Variants in FGF12 observed in about 807,000 individuals in gnomAD.
FGF12 encodes the protein fibroblast growth factor 12, also known as fibroblast growth factor 12B.
In FGF12, 14 loss-of-function variants were observed where a neutral mutation model predicts 23.6. The observed-to-expected ratio is 0.59, with a 90% CI of 0.39 to 0.93. The LOEUF is 0.93. FGF12 is among the 40% of genes least tolerant of loss of function. The probability of loss-of-function intolerance (pLI) is 0.00; values close to 1 mark genes in which losing one functional copy is unlikely to be tolerated. For synonymous variants in FGF12, 62 were observed against 77.3 expected, an observed-to-expected ratio of 0.80 and a Z score of 1.04; for missense variants, 175 against 217.8, an observed-to-expected ratio of 0.80 and a Z score of 1.24.
chr3:192,448,821 A>G (rs1438169726), intron 2 of FGF12, among the ~76,000 whole-genome samples: 1 of 152,194 alleles, frequency 6.6e-6, no homozygotes, highest in African/African-American at 2.4e-5. Context: ...TATGCCATAC[A>G]GTTTAGCTTA....
At position 192,160,510 on chromosome 3, in the gene FGF12, C is replaced by A. The variant is rs925711256; in HGVS notation, c.427+9948G>T. ...ACTGTTCAAACATCATTTACGTCAT[C>A]TTCTCTAAAAAATTTACCTTCATCA... is the stretch of plus-strand genomic sequence containing the variant. On this transcript the variant is annotated intron_variant, in intron 5 of 5. Transcript: ENST00000445105. Among the ~76,000 whole-genome samples the A allele has an allele frequency of 2.0e-5, 3 of 152,138 alleles. No individual in the cohort carries two copies. The South Asian group carries it at 6.2e-4, about 32-fold the overall frequency.
chr3:192,232,293 G>A (rs1350771871), intron 4 of FGF12, among the ~76,000 whole-genome samples: 2 of 152,046 alleles, frequency 1.3e-5, no homozygotes, highest in African/African-American at 4.8e-5. Context: ...AATAAAGAAG[G>A]AATGATTATG....
intron 4 of FGF12, among the ~76,000 whole-genome samples, chr3:192,186,007 CTATAA>C (rs1360766467): frequency 6.6e-6 from 1 of 151,822 alleles, no homozygotes; most frequent in African/African-American, 2.4e-5. Context: ...CTCAAGAAGC[CTATAA>C]TATGAGAGAA....
At chr3:192,313,892 C>T (rs958203111) in intron 4 of FGF12, among the ~76,000 whole-genome samples, 1 of 152,196 alleles carries the variant, frequency 6.6e-6, no homozygotes, top group Non-Finnish European at 1.5e-5. Flanking sequence ...CTATTACCCT[C>T]AGATTCATAT....
intron 2 of FGF12, among the ~76,000 whole-genome samples, chr3:192,486,198 T>C (rs1315194201): frequency 6.6e-6 from 1 of 152,184 alleles, no homozygotes; most frequent in African/African-American, 2.4e-5. Flanking sequence ...ATGCCTCCTG[T>C]GTGTTAGACA....
intron 2 of FGF12, among the ~76,000 whole-genome samples, chr3:192,534,913 G>GT (rs1324616094): frequency 6.6e-6 from 1 of 151,960 alleles, no homozygotes; most frequent in African/African-American, 2.4e-5. Context: ...CCTTACTATT[G>GT]TAAGTTTCAG....
chr3:192,676,747 C>T (rs1324646738), intron 2 of FGF12, among the ~76,000 whole-genome samples: 1 of 152,008 alleles, frequency 6.6e-6, no homozygotes, highest in Middle Eastern at 3.2e-3. Context: ...AGGGAGAACA[C>T]TATGGAAAGA....
At chr3:192,164,887 T>C (rs1454021339) in intron 5 of FGF12, among the ~76,000 whole-genome samples, 2 of 152,228 alleles carry the variant, frequency 1.3e-5, no homozygotes, top group African/African-American at 4.8e-5. Flanking sequence ...TTTCTAAAAG[T>C]GTCATCTAGT....
intron 2 of FGF12, among the ~76,000 whole-genome samples, chr3:192,538,905 G>A (rs2108575064): frequency 6.6e-6 from 1 of 152,100 alleles, no homozygotes; most frequent in African/African-American, 2.4e-5. Context: ...TGTAGTTATT[G>A]CAAACGGGAT....
At chr3:192,632,346 T>TA (rs964248483) in intron 2 of FGF12, among the ~76,000 whole-genome samples, 18 of 152,184 alleles carry the variant, frequency 1.2e-4, no homozygotes, top group South Asian at 6.2e-4. Flanking sequence ...TGATTTTGAC[T>TA]AAAAAAAACC....
intron 2 of FGF12, among the ~76,000 whole-genome samples, chr3:192,389,436 G>A (rs1199764570): frequency 6.6e-6 from 1 of 152,180 alleles, no homozygotes; most frequent in African/African-American, 2.4e-5. Context: ...TCCTCAAGGG[G>A]AAAGTTGGGA....
intron 5 of FGF12, among the ~76,000 whole-genome samples, chr3:192,147,976 G>A (rs557218616): frequency 2.7e-5 from 4 of 150,382 alleles, no homozygotes; most frequent in African/African-American, 7.4e-5. Flanking sequence ...GAGTTGGTGA[G>A]TATGTGGAGA....
At chr3:192,638,777 G>A (rs1715679698) in intron 2 of FGF12, among the ~76,000 whole-genome samples, 1 of 152,180 alleles carries the variant, frequency 6.6e-6, no homozygotes, top group African/African-American at 2.4e-5. Flanking sequence ...GGGAGTATTG[G>A]ATGGGAAAAA....
chr3:192,566,095 A>G (rs1300215860), intron 2 of FGF12, among the ~76,000 whole-genome samples: 1 of 152,222 alleles, frequency 6.6e-6, no homozygotes, highest in Non-Finnish European at 1.5e-5. Flanking sequence ...TCAAAAAAGC[A>G]AGAGAGAGGC....
chr3:192,612,769 A>C (rs1193868799), intron 2 of FGF12, among the ~76,000 whole-genome samples: 1 of 152,016 alleles, frequency 6.6e-6, no homozygotes, highest in Admixed American at 6.6e-5. Context: ...CATAAAAAAT[A>C]GGGACATTTA....
intron 2 of FGF12, among the ~76,000 whole-genome samples, chr3:192,399,205 T>A (rs953359335): frequency 1.3e-5 from 2 of 151,790 alleles, no homozygotes; most frequent in African/African-American, 2.4e-5. Flanking sequence ...ACCTCCAAGA[T>A]GATGTTAGGA....
intron 2 of FGF12, among the ~76,000 whole-genome samples, chr3:192,546,265 C>T (rs774363732): frequency 6.6e-6 from 1 of 152,102 alleles, no homozygotes; most frequent in Non-Finnish European, 1.5e-5. Context: ...AGATATTATA[C>T]ATATAGTGAC....
chr3:192,234,124 T>C (rs1490514725), intron 4 of FGF12, among the ~76,000 whole-genome samples: 1 of 152,210 alleles, frequency 6.6e-6, no homozygotes, highest in African/African-American at 2.4e-5. Flanking sequence ...AGAATGGTAT[T>C]GAATCTGTAA....
intron 2 of FGF12, among the ~76,000 whole-genome samples, chr3:192,432,033 C>T (rs1166448196): frequency 3.9e-5 from 6 of 152,166 alleles, no homozygotes; most frequent in African/African-American, 9.6e-5. Flanking sequence ...CCGTTCACCT[C>T]GGCAGCACCA....
Sources: gnomAD v4.1 joint callset for allele counts (sites outside exome capture counted in the v4.1 genomes callset) on GRCh38, gnomAD v4.1.1 for gene constraint, MANE v1.5 for transcripts, NCBI Gene and HGNC (gene_info 2026-07-23, HGNC 2026-07-21) for gene names.